OSMR: variants seen among roughly 807,000 people sequenced by gnomAD.
OSMR encodes the protein oncostatin-M-specific receptor subunit beta.
In OSMR, 81 loss-of-function variants were observed where a neutral mutation model predicts 99.9. The observed-to-expected ratio is 0.81, with a 90% CI of 0.68 to 0.97. The LOEUF (loss-of-function observed/expected upper bound fraction) is 0.97, where lower values mean the gene tolerates loss of function less well. OSMR is among the 50% of genes least tolerant of loss of function. The pLI is 0.00. For missense variants in OSMR, 1,099 were observed against 1,153.4 expected (o/e 0.95, Z 0.68); for synonymous variants, 406 against 410.4 (o/e 0.99, Z 0.13).
chr5:38,945,233 A>G (rs1748060470), downstream of OSMR: 4 of 631,290 alleles, frequency 6.3e-6, no homozygotes, highest in Admixed American at 3.1e-5. Context: ...GAAAATAACT[A>G]CAGCATGCAA....
intron 15 of OSMR, among the ~76,000 whole-genome samples, chr5:38,930,219 T>G (rs958262684): frequency 6.6e-6 from 1 of 152,232 alleles, no homozygotes; most frequent in African/African-American, 2.4e-5. Flanking sequence ...TCAAAAGTAC[T>G]GTTCTTGAGA....
chr5:38,935,461 T>C lies in OSMR; in HGVS notation c.*2017T>C, dbSNP rs1746972149. On this transcript the variant is annotated 3_prime_UTR_variant, in exon 18 of 18. Coordinates refer to ENST00000274276, the MANE Select transcript of OSMR (RefSeq NM_003999.3). ...GCCAGTATTGTCAGCATTTATTTATTTATGTACCTTTGTTATGATGGGATA... is the reference window on the plus strand; with the variant it reads ...GCCAGTATTGTCAGCATTTATTTATCTATGTACCTTTGTTATGATGGGATA... 2 of 152,346 alleles carry C rather than the reference T, an allele frequency of 1.3e-5. No individual in the cohort carries two copies. Among genetic ancestry groups the C allele is most frequent in the South Asian group, 4.1e-4 (2 of 4,830 alleles). 9.4% of individuals were successfully genotyped at this position (152,346 alleles called of 1,614,324 possible). A position where few individuals can be genotyped will look rare whatever the true frequency, so the allele number is the denominator to read the frequency against.
intron 13 of OSMR, 188 bp from the exon 14 acceptor site, chr5:38,924,234 A>T (rs1746366376): frequency 1.2e-6 from 1 of 831,922 alleles, no homozygotes; most frequent in African/African-American, 1.9e-5. Context: ...AAGATTGCTC[A>T]ACTCCTTCAC....
At chr5:38,919,204 C>A in intron 11 of OSMR, 142 bp downstream of exon 11, 1 of 1,537,206 alleles carries the variant, frequency 6.5e-7, no homozygotes, top group Non-Finnish European at 8.7e-7. Context: ...TCTTTTGGGC[C>A]AGGTGTGTCA....
rs58375870 is a variant in OSMR, at chr5:38,890,602, CT to C, written c.991+4426del. ...AGCTGTTGTAATTTGAAAGCCCCCTCTTTTTTTTTTTTTTGTCTTATCTTGG... is the reference window on the plus strand; with the variant it reads ...AGCTGTTGTAATTTGAAAGCCCCCTCTTTTTTTTTTTTTGTCTTATCTTGG... On this transcript the variant is annotated intron_variant, in intron 7 of 17. Coordinates refer to ENST00000274276, the MANE Select transcript of OSMR (RefSeq NM_003999.3). Among the ~76,000 whole-genome samples the C allele has an allele frequency of 4.0e-3, 554 of 140,044 alleles. 3 individuals are homozygous for C. The highest frequency in any genetic ancestry group is 0.013 in the East Asian group (41 of 3,280). 91.9% of individuals were successfully genotyped at this position (140,044 alleles called of 152,430 possible).
intron 4 of OSMR, among the ~76,000 whole-genome samples, chr5:38,882,112 C>G (rs373962527): frequency 1.7e-4 from 26 of 152,334 alleles, no homozygotes; most frequent in African/African-American, 4.6e-4. Context: ...GTGTATGCGT[C>G]TAGAGTAGAG....
chr5:38,917,143 G>T (rs760118044), intron 9 of OSMR, among the ~76,000 whole-genome samples: 2 of 152,128 alleles, frequency 1.3e-5, no homozygotes, highest in African/African-American at 4.8e-5. Context: ...TGCCCCTAGC[G>T]GGTTCCCCAT....
Position 38,885,468 on chromosome 5 carries a change from T to A in OSMR, c.823T>A (p.Tyr275Asn). ...GTGGTCTAAACAACCTTCCCAAAGC[T>A]ACACTTTATTTGAATCGTAAGTTGG... ...LGWSKQPSQS[Y>N]TLFESFSGEK... is the part of the protein sequence containing the mutation. Residue 275 changes from tyrosine (Y) to asparagine (N), a missense_variant, in exon 6 of 18, where the codon TAC becomes AAC. Coordinates refer to ENST00000274276, the MANE Select transcript of OSMR (RefSeq NM_003999.3). 6.2e-7 allele frequency: 1 copy of A among 1,614,076 alleles called. No individual in the cohort carries two copies. The highest frequency in any genetic ancestry group is 8.5e-7 in the Non-Finnish European group (1 of 1,179,932).
intron 3 of OSMR, among the ~76,000 whole-genome samples, chr5:38,879,194 A>C (rs925534669): frequency 6.6e-6 from 1 of 152,256 alleles, no homozygotes; most frequent in African/African-American, 2.4e-5. Context: ...TGCTCTGAGC[A>C]GGCCCAACAG....
At chr5:38,941,145 C>T (rs914225079) in intron 1 of OSMR, 9 of 232,698 alleles carry the variant, frequency 3.9e-5, no homozygotes, top group African/African-American at 2.0e-4. Flanking sequence ...AAAACCTTGC[C>T]CTCATCAACT....
At chr5:38,924,716 A>AG in intron 14 of OSMR, 121 bp downstream of exon 14, 1 of 907,682 alleles carries the variant, frequency 1.1e-6, no homozygotes, top group Non-Finnish European at 1.8e-6. Context: ...GCATGGCTTT[A>AG]TACTGGAAAG....
intron 1 of OSMR, among the ~76,000 whole-genome samples, chr5:38,858,343 A>G (rs1741022098): frequency 6.7e-6 from 1 of 150,180 alleles, no homozygotes; most frequent in Non-Finnish European, 1.5e-5. Flanking sequence ...TAGCTCCCAC[A>G]TATGAGTGAG....
At position 38,886,478 on chromosome 5, in the gene OSMR, C is replaced by T. The variant is rs527901798; in HGVS notation, c.991+288C>T. 115 of 478,922 alleles carry T rather than the reference C, an allele frequency of 2.4e-4. 1 individual carries two copies. The East Asian group carries it at 4.7e-3, about 20-fold the overall frequency. The allele number at this position is 478,922 out of a possible 1,614,324, so 29.7% of individuals were successfully genotyped here. A position where few individuals can be genotyped will look rare whatever the true frequency, so the allele number is the denominator to read the frequency against. On this transcript the variant is annotated intron_variant, in intron 7 of 17. Transcript: ENST00000274276. ...TCTCATCCTGTAACGCCCCCACCTTCGCTCCTTCCGCCAAGATAATTATCA... is the reference window on the plus strand; with the variant it reads ...TCTCATCCTGTAACGCCCCCACCTTTGCTCCTTCCGCCAAGATAATTATCA...
In OSMR at chr5:38,933,026, T is replaced by C. The variant is rs773997343; in HGVS notation, c.2522T>C (p.Leu841Pro). ...ELTKPNYLYL[L>P]PTEKNHSGPG... is the part of the protein sequence containing the mutation. ...ACTAAGCCTAACTACCTTTATCTCC[T>C]TCCAACAGAAAAGAATCACTCTGGC... Residue 841 changes from leucine (L) to proline (P), a missense_variant, in exon 18 of 18, where the codon CTT becomes CCT. By Grantham distance (98) the Leu-to-Pro change is moderately conservative. Transcript: ENST00000274276. 8 of 1,614,018 alleles carry C rather than the reference T, an allele frequency of 5.0e-6. No homozygotes were observed. The Admixed American group carries it at 5.0e-5, about 10-fold the overall frequency.
At chr5:38,895,899 GA>G (rs1245945830) in intron 7 of OSMR, among the ~76,000 whole-genome samples, 1 of 151,936 alleles carries the variant, frequency 6.6e-6, no homozygotes, top group African/African-American at 2.4e-5. Flanking sequence ...ACTATTTATT[GA>G]AGAGACTGTC....
At chr5:38,899,002 C>G (rs1428388129) in intron 7 of OSMR, among the ~76,000 whole-genome samples, 1 of 131,648 alleles carries the variant, frequency 7.6e-6, no homozygotes, top group East Asian at 2.3e-4. Context: ...GCTCTGTTGC[C>G]CAGGCTGGAG....
At chr5:38,877,913 A>G (rs1222289436) in intron 3 of OSMR, among the ~76,000 whole-genome samples, 1 of 152,154 alleles carries the variant, frequency 6.6e-6, no homozygotes. Context: ...TCCTCTTTTC[A>G]AGGGAAAGCA....
chr5:38,899,305 C>A (rs1451913990), intron 7 of OSMR, among the ~76,000 whole-genome samples: 1 of 152,016 alleles, frequency 6.6e-6, no homozygotes, highest in Non-Finnish European at 1.5e-5. Flanking sequence ...TGCTGCCAGG[C>A]CTGGGACTCA....
At chr5:38,913,227 C>A (rs748155196) in intron 9 of OSMR, among the ~76,000 whole-genome samples, 2 of 152,016 alleles carry the variant, frequency 1.3e-5, no homozygotes, top group Non-Finnish European at 2.9e-5. Flanking sequence ...AACAATTCAA[C>A]AAGCAGAAAG....
Sources: allele counts gnomAD v4.1 joint callset (sites outside exome capture counted in the v4.1 genomes callset), GRCh38; gene constraint gnomAD v4.1.1; transcripts MANE v1.5; gene names NCBI Gene and HGNC (gene_info 2026-07-23, HGNC 2026-07-21).